Variants in IPO9 observed in about 807,000 individuals in gnomAD.
The protein encoded by IPO9 is importin 9.
In IPO9, 28 loss-of-function variants were observed where a neutral mutation model predicts 128.6. The ratio of observed to expected loss-of-function variants is 0.22; its 90% confidence interval spans 0.16 to 0.30. The LOEUF is 0.30. Ranked by LOEUF, IPO9 falls within the 10% of genes least tolerant of loss-of-function variation. The pLI is 1.00. For missense variants in IPO9, 935 were observed against 1,293.9 expected (o/e 0.72, Z 4.26); for synonymous variants, 455 against 475.8 (o/e 0.96, Z 0.57).
chr1:201,865,199 CTTT>C (rs201084995), intron 14 of IPO9, among the ~76,000 whole-genome samples: 139 of 132,840 alleles, frequency 1.0e-3, no homozygotes, highest in Middle Eastern at 4.1e-3. Flanking sequence ...AACTATTTTT[CTTT>C]TTTTTTTTTT....
At chr1:201,843,032 A>G (rs978375609) in intron 1 of IPO9, among the ~76,000 whole-genome samples, 1 of 152,006 alleles carries the variant, frequency 6.6e-6, no homozygotes, top group African/African-American at 2.4e-5. Flanking sequence ...TAAGTACCCA[A>G]ACTTTTCCAC....
chr1:201,872,804 C>G (rs747761606), intron 19 of IPO9, 24 bp from the exon 20 acceptor site: 1 of 1,597,302 alleles, frequency 6.3e-7, no homozygotes. Context: ...GCTGATTGAC[C>G]TTTTTTTGGA....
At chr1:201,863,377 G>A (rs1199243083) in intron 13 of IPO9, 71 bp from the exon 14 acceptor site, 2 of 1,442,662 alleles carry the variant, frequency 1.4e-6, no homozygotes, top group Non-Finnish European at 1.9e-6. Flanking sequence ...AGGAATGAAT[G>A]TGGGAAAGAG....
At chr1:201,848,287 C>A in intron 3 of IPO9, 106 bp from the exon 4 acceptor site, 1 of 895,034 alleles carries the variant, frequency 1.1e-6, no homozygotes, top group Non-Finnish European at 1.8e-6. Context: ...TGTAGACATG[C>A]AGTACCTTGT....
chr1:201,863,294 G>A (rs1430497268), intron 13 of IPO9, 154 bp from the exon 14 acceptor site: 11 of 603,494 alleles, frequency 1.8e-5, no homozygotes, highest in Non-Finnish European at 2.4e-5. Context: ...GGAGGTTGCA[G>A]TGAGCCGAGA....
rs908736116 is a variant in IPO9 at position 201,866,723 on chromosome 1, C to T, written c.1629-10C>T. On this transcript the variant is annotated splice_polypyrimidine_tract_variant and intron_variant, in intron 14 of 23. Transcript: ENST00000361565. The stretch of plus-strand genomic sequence containing the variant: ...TTTTTAATAATTCTTGCTTATCTAT[C>T]TCTCTCTAGTTATTGTGACCAACTG... 4 of 1,595,062 alleles carry T rather than the reference C, an allele frequency of 2.5e-6. No homozygotes were observed. Among genetic ancestry groups the T allele is most frequent in the Non-Finnish European group, 1.7e-6 (2 of 1,163,224 alleles).
chr1:201,837,308 A>C (rs1679958228), intron 1 of IPO9, among the ~76,000 whole-genome samples: 1 of 152,210 alleles, frequency 6.6e-6, no homozygotes. Context: ...ATATGGAAAA[A>C]ATATATTCAT....
intron 13 of IPO9, among the ~76,000 whole-genome samples, chr1:201,860,230 CA>C (rs1267118123): frequency 6.6e-6 from 1 of 152,168 alleles, no homozygotes; most frequent in Non-Finnish European, 1.5e-5. Context: ...TAGCTTATGT[CA>C]TTTGAAAATG....
intron 11 of IPO9, among the ~76,000 whole-genome samples, chr1:201,857,662 G>A (rs1223395454): frequency 1.3e-5 from 2 of 152,120 alleles, no homozygotes; most frequent in Non-Finnish European, 2.9e-5. Context: ...GGGCGTGATG[G>A]CGCATGCCTG....
chr1:201,867,035 C>A, intron 15 of IPO9, 76 bp downstream of exon 15: 1 of 1,226,356 alleles, frequency 8.2e-7, no homozygotes, highest in Non-Finnish European at 1.2e-6. Flanking sequence ...ATGAAAGATT[C>A]CCTAGGTCTG....
intron 14 of IPO9, 107 bp from the exon 15 acceptor site, chr1:201,866,626 T>G: frequency 1.3e-6 from 1 of 790,820 alleles, no homozygotes; most frequent in South Asian, 1.7e-5. Context: ...AACTTTAGAA[T>G]TAGCTTTATA....
At chr1:201,862,362 G>A (rs1174067024) in intron 13 of IPO9, among the ~76,000 whole-genome samples, 2 of 151,998 alleles carry the variant, frequency 1.3e-5, no homozygotes, top group Non-Finnish European at 2.9e-5. Flanking sequence ...GGAGGCTGAG[G>A]CAGGAGAATC....
intron 1 of IPO9, among the ~76,000 whole-genome samples, chr1:201,845,562 T>C (rs1680111600): frequency 6.6e-6 from 1 of 152,238 alleles, no homozygotes; most frequent in Admixed American, 6.5e-5. Context: ...AAATATAGTA[T>C]GAGTCATGTG....
rs1680867770 is a variant in IPO9 at position 201,880,658 on chromosome 1, A to C, written c.*4604A>C. ...ACTATGAACCTCTATTAGATATGCA[A>C]GGCCGGTGCTAAATGCTGGAGGGCT... On this transcript the variant is annotated 3_prime_UTR_variant, in exon 24 of 24. Coordinates refer to ENST00000361565, the MANE Select transcript of IPO9 (RefSeq NM_018085.5). 1 of 152,242 alleles carries C rather than the reference A, an allele frequency of 6.6e-6. No individual in the cohort carries two copies. The highest frequency in any genetic ancestry group is 6.5e-5 in the Admixed American group (1 of 15,284). 9.4% of individuals were successfully genotyped at this position (152,242 alleles called of 1,614,324 possible).
At chr1:201,862,882 A>C (rs1037462335) in intron 13 of IPO9, among the ~76,000 whole-genome samples, 1 of 152,116 alleles carries the variant, frequency 6.6e-6, no homozygotes, top group African/African-American at 2.4e-5. Context: ...CTGGGGTGGT[A>C]AAGTCTTTTT....
At chr1:201,838,061 A>G (rs1017571257) in intron 1 of IPO9, among the ~76,000 whole-genome samples, 3 of 151,700 alleles carry the variant, frequency 2.0e-5, no homozygotes, top group African/African-American at 4.9e-5. Flanking sequence ...CAAGAGTGCA[A>G]CTCTGTCTCA....
At chr1:201,862,185 C>T (rs1680462081) in intron 13 of IPO9, among the ~76,000 whole-genome samples, 1 of 152,100 alleles carries the variant, frequency 6.6e-6, no homozygotes, top group Non-Finnish European at 1.5e-5. Context: ...AGGCTGCACG[C>T]GGTGGCTCAT....
chr1:201,845,205 G>A (rs1158400407), intron 1 of IPO9, among the ~76,000 whole-genome samples: 6 of 152,088 alleles, frequency 3.9e-5, no homozygotes, highest in South Asian at 2.1e-4. Flanking sequence ...TAGTAGAGAC[G>A]GGATTTCTCC....
intron 13 of IPO9, among the ~76,000 whole-genome samples, chr1:201,859,439 A>G (rs1310045908): frequency 1.3e-5 from 2 of 151,784 alleles, no homozygotes; most frequent in Non-Finnish European, 2.9e-5. Flanking sequence ...TGGCGTTCCC[A>G]TTCATGGTTG....
Sources: allele counts gnomAD v4.1 joint callset (sites outside exome capture counted in the v4.1 genomes callset), GRCh38; gene constraint gnomAD v4.1.1; transcripts MANE v1.5; gene names NCBI Gene and HGNC (gene_info 2026-07-23, HGNC 2026-07-21).